The following NEDD9 variants were observed in gnomAD, a reference collection of about 807,000 sequenced individuals.
NEDD9 encodes neural precursor cell expressed, developmentally down-regulated 9.
NEDD9 carries 26 observed loss-of-function variants against 76.6 expected under a neutral mutation model. The ratio of observed to expected loss-of-function variants is 0.34; its 90% CI spans 0.25 to 0.47. The LOEUF is 0.47. Ranked by LOEUF, NEDD9 falls within the 20% of genes least tolerant of loss-of-function variation. NEDD9 has a pLI of 1.00. For synonymous variants in NEDD9, 392 were observed against 414.2 expected, an observed-to-expected ratio of 0.95 and a Z score of 0.65; for missense variants, 937 against 1,058.5, an observed-to-expected ratio of 0.89 and a Z score of 1.59.
chr6:11,340,659 A>G (rs544425568), intron 1 of NEDD9, among the ~76,000 whole-genome samples: 1 of 152,306 alleles, frequency 6.6e-6, no homozygotes, highest in African/African-American at 2.4e-5. Context: ...ACTCTAGGAA[A>G]TGAATAAAAA....
At chr6:11,305,013 TC>T in intron 3 of NEDD9, 1 of 1,156,370 alleles carries the variant, frequency 8.6e-7, no homozygotes, top group Non-Finnish European at 1.1e-6. Flanking sequence ...TCCAGGGAAA[TC>T]CTTTTGTTAC....
intron 1 of NEDD9, among the ~76,000 whole-genome samples, chr6:11,369,094 A>G (rs1762815573): frequency 6.6e-6 from 1 of 152,206 alleles, no homozygotes; most frequent in South Asian, 2.1e-4. Flanking sequence ...GTTGGATTTG[A>G]ACTCAGGCAG....
At chr6:11,280,164 A>G (rs1760505898) in intron 3 of NEDD9, among the ~76,000 whole-genome samples, 1 of 152,100 alleles carries the variant, frequency 6.6e-6, no homozygotes, top group Admixed American at 6.5e-5. Context: ...GTCTCTATTC[A>G]TTGCCAGTGT....
At chr6:11,335,011 C>A (rs749074161) in intron 1 of NEDD9, among the ~76,000 whole-genome samples, 61 of 152,170 alleles carry the variant, frequency 4.0e-4, no homozygotes, top group Non-Finnish European at 3.5e-4. Flanking sequence ...CTTACAACTA[C>A]ACGAGAAGTT....
At chr6:11,371,676 G>A (rs935767986) in intron 1 of NEDD9, among the ~76,000 whole-genome samples, 1 of 152,210 alleles carries the variant, frequency 6.6e-6, no homozygotes, top group African/African-American at 2.4e-5. Context: ...TAACAGGTGA[G>A]AAATCGTGAT....
At chr6:11,367,441 A>G (rs1177700908) in intron 1 of NEDD9, among the ~76,000 whole-genome samples, 1 of 152,226 alleles carries the variant, frequency 6.6e-6, no homozygotes, top group East Asian at 1.9e-4. Flanking sequence ...ATCAGTCTTT[A>G]CTGTTGGTAA....
At chr6:11,201,437 A>C (rs899272977) in intron 2 of NEDD9, among the ~76,000 whole-genome samples, 1 of 152,024 alleles carries the variant, frequency 6.6e-6, no homozygotes, top group African/African-American at 2.4e-5. Flanking sequence ...CCCTCACAAC[A>C]CTGTCTTGTT....
chr6:11,364,389 A>G lies in NEDD9; in HGVS notation c.-214+17750T>C, dbSNP rs114807191. ...AGAACTTAGCTGTGGGCATGTCTCT[A>G]TGATGAATCCTGTGGGTCCTCCTAA... On this transcript the variant is annotated intron_variant, in intron 1 of 3. Coordinates refer to the NEDD9 transcript ENST00000397378. Among the ~76,000 whole-genome samples the G allele has an allele frequency of 7.8e-3, 1,183 of 152,290 alleles. 17 individuals carry two copies. Among genetic ancestry groups the G allele is most frequent in the African/African-American group, 0.027 (1,116 of 41,546 alleles).
chr6:11,269,412 A>G (rs1330502038), intron 3 of NEDD9, among the ~76,000 whole-genome samples: 2 of 152,232 alleles, frequency 1.3e-5, no homozygotes, highest in Non-Finnish European at 2.9e-5. Context: ...GGACTATTTC[A>G]TTCACTAAAC....
intron 1 of NEDD9, chr6:11,214,249 A>C (rs1222709685): frequency 2.0e-6 from 1 of 511,568 alleles, no homozygotes; most frequent in East Asian, 5.5e-5. Flanking sequence ...ATGCCTTGGC[A>C]GGGCTTAGAA....
chr6:11,185,152 T>C lies in NEDD9; in HGVS notation c.*10A>G. ...CCGTTAACGCAGTCCCCTTCCTCTT[T>C]TTTTTCTTCTCAGAACGTTGCCATC... On this transcript the variant is annotated 3_prime_UTR_variant, in exon 7 of 7. Coordinates refer to ENST00000379446, the MANE Select transcript of NEDD9 (RefSeq NM_006403.4). 1 of 1,601,740 alleles carries C rather than the reference T, an allele frequency of 6.2e-7. No homozygotes were observed. The highest frequency in any genetic ancestry group is 8.5e-7 in the Non-Finnish European group (1 of 1,170,820).
At chr6:11,354,208 A>C (rs751356544) in intron 1 of NEDD9, among the ~76,000 whole-genome samples, 5 of 152,204 alleles carry the variant, frequency 3.3e-5, no homozygotes, top group Non-Finnish European at 4.4e-5. Flanking sequence ...CTCTGGGGCT[A>C]TTTATTCTTT....
intron 2 of NEDD9, among the ~76,000 whole-genome samples, chr6:11,203,030 C>G (rs147153491): frequency 6.6e-5 from 10 of 152,256 alleles, no homozygotes; most frequent in Admixed American, 1.3e-4. Flanking sequence ...CCTAGCATGT[C>G]CCCCCTGCTG....
At chr6:11,307,815 G>A (rs558080734) in intron 2 of NEDD9, among the ~76,000 whole-genome samples, 1 of 152,228 alleles carries the variant, frequency 6.6e-6, no homozygotes, top group African/African-American at 2.4e-5. Flanking sequence ...CCTTTCCAGT[G>A]CAACCCCTCT....
chr6:11,367,495 T>A (rs908368311), intron 1 of NEDD9, among the ~76,000 whole-genome samples: 1 of 152,230 alleles, frequency 6.6e-6, no homozygotes, highest in Non-Finnish European at 1.5e-5. Context: ...CAATGCAGTT[T>A]ACTCCAAAAT....
At chr6:11,259,969 C>CACA (rs375110084) in intron 3 of NEDD9, among the ~76,000 whole-genome samples, 1 of 150,838 alleles carries the variant, frequency 6.6e-6, no homozygotes, top group Non-Finnish European at 1.5e-5. Context: ...CAGACACACA[C>CACA]CCCACCACAG....
intron 3 of NEDD9, 181 bp from the exon 4 acceptor site, chr6:11,192,627 C>T (rs1758179649): frequency 3.9e-6 from 2 of 519,312 alleles, no homozygotes; most frequent in Non-Finnish European, 6.6e-6. Context: ...TGGTTTTTAA[C>T]TTACATTTAA....
At position 11,299,577 on chromosome 6, in the gene NEDD9, G is replaced by T. The variant is rs140764311; in HGVS notation, c.12+6415C>A. ...CAAGTGGGTCCTTGACCCCTGTGTA[G>T]CCTGACTGGGAAACACTTCCCAGTA... On this transcript the variant is annotated intron_variant, in intron 3 of 3. Transcript: ENST00000397378. Among the ~76,000 whole-genome samples the T allele has an allele frequency of 4.1e-3, 622 of 152,308 alleles. 6 individuals are homozygous for T. In the East Asian group the frequency reaches 0.053, roughly 13 times the overall value.
In NEDD9 at chr6:11,185,518, T is replaced by C; in HGVS notation, c.2149A>G (p.Thr717Ala). ...LLCFYYDQCE[T>A]HFISLLNAID... The stretch of plus-strand genomic sequence containing the variant: ...GCGTTGAGAAGGGAAATGAAATGGG[T>C]CTCACATTGGTCATAGTAGAAGCAC... The change falls in exon 7 of 7, where the codon ACC (threonine) becomes GCC (alanine). Residue 717 changes from threonine to alanine, a missense_variant. By Grantham distance (58) the Thr-to-Ala change is moderately conservative (BLOSUM62 0). Coordinates refer to ENST00000379446, the MANE Select transcript of NEDD9 (RefSeq NM_006403.4). The C allele has an allele frequency of 6.2e-7, 1 of 1,614,070 alleles. No individual in the cohort carries two copies. Among genetic ancestry groups the C allele is most frequent in the Non-Finnish European group, 8.5e-7 (1 of 1,180,010 alleles).
Sources: allele counts gnomAD v4.1 joint callset (sites outside exome capture counted in the v4.1 genomes callset), GRCh38; gene constraint gnomAD v4.1.1; transcripts MANE v1.5; gene names NCBI Gene and HGNC (gene_info 2026-07-23, HGNC 2026-07-21).